The following COA1 variants were observed in gnomAD, a reference collection of about 807,000 sequenced individuals.
The protein encoded by COA1 is cytochrome c oxidase assembly factor 1, also known as cytochrome c oxidase assembly factor 1 homolog.
Under a neutral mutation model 16.0 loss-of-function variants are expected in COA1, and 13 were observed. The observed-to-expected ratio is 0.81, with a 90% CI of 0.53 to 1.29. The LOEUF (loss-of-function observed/expected upper bound fraction) is 1.29. COA1 is among the 50% of genes most tolerant of loss of function. The pLI is 0.00. For synonymous variants in COA1, 65 were observed against 65.7 expected (o/e 0.99, Z 0.05); for missense variants, 179 against 177.0 (o/e 1.01, Z -0.06).
chr7:43,644,298 A>G (rs1473041206), intron 4 of COA1, among the ~76,000 whole-genome samples: 1 of 152,156 alleles, frequency 6.6e-6, no homozygotes, highest in African/African-American at 2.4e-5. Flanking sequence ...TATTCCCCAC[A>G]TAGCTTAGAA....
At chr7:43,615,038 A>G (rs1206932933) in intron 6 of COA1, among the ~76,000 whole-genome samples, 1 of 152,218 alleles carries the variant, frequency 6.6e-6, no homozygotes, top group East Asian at 1.9e-4. Context: ...CCCTAGCAGT[A>G]TTTCACCTGG....
In COA1 at chr7:43,624,845, A is replaced by G. The variant is rs1159292980; in HGVS notation, c.*133+14604T>C. ...TTCCAGGAGAATTTATCTACTGAGC[A>G]ATATTTCCCTTTAGAACTTCAAGAT... On this transcript the variant is annotated intron_variant and NMD_transcript_variant, in intron 6 of 6. Transcript: ENST00000415076. 3 of 1,581,766 alleles carry G rather than the reference A, an allele frequency of 1.9e-6. No homozygotes were observed. In the South Asian group the frequency reaches 3.5e-5, roughly 18 times the overall value.
At chr7:43,724,757 T>C (rs1563498348) in intron 1 of COA1, among the ~76,000 whole-genome samples, 1 of 152,174 alleles carries the variant, frequency 6.6e-6, no homozygotes, top group African/African-American at 2.4e-5. Context: ...TGCCACAACA[T>C]GAATTAACCT....
intron 4 of COA1, chr7:43,641,358 C>T (rs1251708054): frequency 1.4e-5 from 2 of 143,856 alleles, no homozygotes; most frequent in Non-Finnish European, 3.0e-5. Context: ...AAATATTAAA[C>T]TCTACTTAAT....
rs2089080812 is a variant in COA1 at position 43,645,683 on chromosome 7, T to C, written c.116-284A>G. On this transcript the variant is annotated intron_variant, in intron 3 of 5. Transcript: ENST00000223336. ...TCATTTCTACCCTCACTCATTGCCT[T>C]ATTTTGACACCTAAGAGGTTTGGTC... 3 of 293,092 alleles carry C rather than the reference T, an allele frequency of 1.0e-5. No individual in the cohort carries two copies. In the South Asian group the frequency reaches 1.2e-4, roughly 11 times the overall value. The allele number at this position is 293,092 out of a possible 1,614,324, so 18.2% of individuals were successfully genotyped here.
intron 1 of COA1, among the ~76,000 whole-genome samples, chr7:43,699,692 C>T (rs916717513): frequency 6.6e-6 from 1 of 152,154 alleles, no homozygotes; most frequent in African/African-American, 2.4e-5. Context: ...ATTTAGAATG[C>T]TGTCAACATC....
intron 1 of COA1, among the ~76,000 whole-genome samples, chr7:43,663,725 T>C (rs2092664520): frequency 7.1e-6 from 1 of 140,326 alleles, no homozygotes; most frequent in Admixed American, 7.0e-5. Flanking sequence ...CCACTGACCA[T>C]CAACTCTCCA....
intron 1 of COA1, among the ~76,000 whole-genome samples, chr7:43,702,609 G>C (rs1008392706): frequency 3.9e-5 from 6 of 152,080 alleles, no homozygotes; most frequent in Non-Finnish European, 1.5e-5. Flanking sequence ...TATGTTTCCA[G>C]AAATTTATCC....
chr7:43,675,083 A>C (rs941345541), intron 1 of COA1, among the ~76,000 whole-genome samples: 10 of 152,220 alleles, frequency 6.6e-5, no homozygotes, highest in African/African-American at 2.4e-4. Flanking sequence ...AGGCTATAGA[A>C]TAAATAAGTG....
chr7:43,669,257 A>G (rs60204071), intron 1 of COA1, among the ~76,000 whole-genome samples: 65,840 of 151,932 alleles, frequency 0.43, 14,728 homozygotes, highest in African/African-American at 0.55. Context: ...CAGCTAGGAA[A>G]AGGGGTCCTT....
chr7:43,725,068 G>A (rs1369160782), intron 1 of COA1, among the ~76,000 whole-genome samples: 2 of 152,076 alleles, frequency 1.3e-5, no homozygotes, highest in Non-Finnish European at 2.9e-5. Context: ...GAGAAACCCC[G>A]TCTGTACTAA....
At chr7:43,695,163 C>A (rs1056657528) in intron 1 of COA1, among the ~76,000 whole-genome samples, 17 of 150,766 alleles carry the variant, frequency 1.1e-4, no homozygotes, top group African/African-American at 4.1e-4. Flanking sequence ...CCCTTACAGT[C>A]CCCTCTCAAC....
intron 6 of COA1, among the ~76,000 whole-genome samples, chr7:43,617,245 A>G (rs2083440743): frequency 1.3e-5 from 2 of 152,178 alleles, no homozygotes; most frequent in Admixed American, 6.5e-5. Flanking sequence ...CCTAAGAGCA[A>G]TGGGAGGCTG....
At chr7:43,615,425 C>T (rs2083255954) in intron 6 of COA1, among the ~76,000 whole-genome samples, 1 of 152,190 alleles carries the variant, frequency 6.6e-6, no homozygotes, top group African/African-American at 2.4e-5. Flanking sequence ...AATCCACTCA[C>T]CTCGGCCTCC....
chr7:43,691,867 T>G (rs914410073), intron 1 of COA1, among the ~76,000 whole-genome samples: 2 of 152,112 alleles, frequency 1.3e-5, no homozygotes, highest in Non-Finnish European at 2.9e-5. Context: ...ACAGCCCCAT[T>G]CCCAAAGGGT....
chr7:43,721,615 T>C (rs1445182799), intron 1 of COA1, among the ~76,000 whole-genome samples: 1 of 152,152 alleles, frequency 6.6e-6, no homozygotes, highest in Non-Finnish European at 1.5e-5. Flanking sequence ...ATTTACTTTT[T>C]GGTTTTGGTT....
At chr7:43,714,802 G>C (rs530304903) in intron 1 of COA1, among the ~76,000 whole-genome samples, 18 of 151,940 alleles carry the variant, frequency 1.2e-4, no homozygotes, top group Middle Eastern at 3.4e-3. Context: ...GCAGCCAGGA[G>C]TTCGAGACCA....
intron 1 of COA1, among the ~76,000 whole-genome samples, chr7:43,699,906 T>C (rs1202569725): frequency 1.3e-5 from 2 of 152,112 alleles, no homozygotes; most frequent in African/African-American, 4.8e-5. Context: ...GGTATGATTT[T>C]GGTTTGTCCT....
At chr7:43,628,072 C>T (rs759870250) in intron 6 of COA1, among the ~76,000 whole-genome samples, 5 of 152,108 alleles carry the variant, frequency 3.3e-5, no homozygotes, top group African/African-American at 7.2e-5. Context: ...CTGCAACCTC[C>T]ACCTCCCAGG....
Sources: gnomAD v4.1 joint callset for allele counts (sites outside exome capture counted in the v4.1 genomes callset) on GRCh38, gnomAD v4.1.1 for gene constraint, MANE v1.5 for transcripts, NCBI Gene and HGNC (gene_info 2026-07-23, HGNC 2026-07-21) for gene names.